The following ARHGAP40 variants were observed in gnomAD, a reference collection of about 807,000 sequenced individuals.
ARHGAP40 encodes Rho GTPase activating protein 40, also known as rho GTPase-activating protein 40.
ARHGAP40 carries 43 observed loss-of-function variants against 73.5 expected under a neutral mutation model. That is an observed-to-expected ratio of 0.58 (90% CI 0.46 to 0.75). The LOEUF (loss-of-function observed/expected upper bound fraction) is 0.75. Among genes scored for constraint, ARHGAP40 ranks in the 30% least tolerant of loss-of-function variants. The probability of loss-of-function intolerance (pLI) is 0.00; values close to 1 mark genes in which losing one functional copy is unlikely to be tolerated. For missense variants in ARHGAP40, 734 were observed against 861.8 expected, an observed-to-expected ratio of 0.85 and a Z score of 1.86; for synonymous variants, 300 against 352.8, an observed-to-expected ratio of 0.85 and a Z score of 1.68.
intron 13 of ARHGAP40, among the ~76,000 whole-genome samples, chr20:38,648,343 A>G (rs909719234): frequency 6.6e-6 from 1 of 152,230 alleles, no homozygotes; most frequent in Non-Finnish European, 1.5e-5. Context: ...GTCACCACTC[A>G]TTCCCTTGCC....
Position 38,638,744 on chromosome 20 carries a change from G to A in ARHGAP40, c.1042-17G>A, listed in dbSNP as rs1159852105. The A allele has an allele frequency of 2.3e-6, 3 of 1,304,644 alleles. No homozygotes were observed. In the African/African-American group the frequency reaches 4.6e-5, roughly 20 times the overall value. The allele number at this position is 1,304,644 out of a possible 1,614,324, so 80.8% of individuals were successfully genotyped here. On this transcript the variant is annotated splice_polypyrimidine_tract_variant and intron_variant, in intron 7 of 14. Transcript: ENST00000373345. ...TCAGCGGTTCCTGGTTTAAATGCTG[G>A]TTTCTCTTTCTGACAGCTGCTGTCC...
chr20:38,636,240 T>G (rs1264771881), intron 6 of ARHGAP40, among the ~76,000 whole-genome samples: 1 of 152,032 alleles, frequency 6.6e-6, no homozygotes, highest in African/African-American at 2.4e-5. Flanking sequence ...AAATATTCCT[T>G]GAAAACATGA....
At chr20:38,614,345 CCTTTCTTT>C (rs762911054) in intron 1 of ARHGAP40, among the ~76,000 whole-genome samples, 3 of 152,152 alleles carry the variant, frequency 2.0e-5, no homozygotes, top group Non-Finnish European at 2.9e-5. Flanking sequence ...CCTGAGATTG[CCTTTCTTT>C]CTTTCTTTCT....
chr20:38,649,948 G>A (rs73905664), exon 15 of ARHGAP40: 1 of 916,504 alleles, frequency 1.1e-6, no homozygotes. Flanking sequence ...CCAGGGGAGG[G>A]TCTGAGTTTT....
At chr20:38,616,004 T>G (rs2088835001) in intron 1 of ARHGAP40, among the ~76,000 whole-genome samples, 1 of 152,180 alleles carries the variant, frequency 6.6e-6, no homozygotes, top group Admixed American at 6.5e-5. Flanking sequence ...GCCATAGGTG[T>G]TCATTCTGGG....
chr20:38,634,169 T>C (rs2088958901), intron 5 of ARHGAP40, among the ~76,000 whole-genome samples: 2 of 152,038 alleles, frequency 1.3e-5, no homozygotes, highest in South Asian at 2.1e-4. Context: ...CTGGGCAACA[T>C]AGAGAAACCC....
At chr20:38,602,508 C>A (rs2088741394) in intron 1 of ARHGAP40, among the ~76,000 whole-genome samples, 1 of 152,110 alleles carries the variant, frequency 6.6e-6, no homozygotes, top group South Asian at 2.1e-4. Flanking sequence ...ACTGGTCACC[C>A]CTTATTCCTG....
At position 38,639,900 on chromosome 20, in the gene ARHGAP40, C is replaced by CA. The variant is rs2089003738; in HGVS notation, c.1279+521dup. 1.2e-4 allele frequency among the ~76,000 whole-genome samples: 19 copies of CA among 152,240 alleles called. No homozygotes were observed. In the South Asian group the frequency reaches 3.9e-3, roughly 32 times the overall value. ...CAAAGATAGTCACTTCTATTTTTCT[C>CA]AAAAAAATACAGCAGCTCTCCTGAG... On this transcript the variant is annotated intron_variant, in intron 9 of 14. Transcript: ENST00000373345.
intron 9 of ARHGAP40, among the ~76,000 whole-genome samples, chr20:38,641,442 G>A (rs1007344605): frequency 6.6e-6 from 1 of 152,206 alleles, no homozygotes; most frequent in African/African-American, 2.4e-5. Context: ...ACCCTGGGCT[G>A]CAGCCTGGAC....
chr20:38,647,234 C>G (rs1272426061), intron 13 of ARHGAP40, 108 bp downstream of exon 13: 1 of 1,037,098 alleles, frequency 9.6e-7, no homozygotes, highest in East Asian at 6.3e-5. Flanking sequence ...CTGACCTGGC[C>G]TTCCCTTTCT....
Position 38,626,991 on chromosome 20 carries a change from G to T in ARHGAP40, c.338-4G>T, listed in dbSNP as rs1290046767. 2 of 1,303,092 alleles carry T rather than the reference G, an allele frequency of 1.5e-6. No homozygotes were observed. The highest frequency in any genetic ancestry group is 2.0e-6 in the Non-Finnish European group (2 of 988,480). The allele number at this position is 1,303,092 out of a possible 1,614,324, so 80.7% of individuals were successfully genotyped here. A position where few individuals can be genotyped will look rare whatever the true frequency, so the allele number is the denominator to read the frequency against. On this transcript the variant is annotated splice_polypyrimidine_tract_variant and splice_region_variant and intron_variant, in intron 2 of 14. Transcript: ENST00000373345. ...GTTCATCTGGGTTCTACTTCTGTTG[G>T]CAGAAGGGGAAGCTGAATCCCAGTG...
chr20:38,626,803 G>GC (rs2088900859), intron 2 of ARHGAP40, among the ~76,000 whole-genome samples, 192 bp from the exon 3 acceptor site: 1 of 150,104 alleles, frequency 6.7e-6, no homozygotes, highest in Non-Finnish European at 1.5e-5. Flanking sequence ...CCCCCACCCC[G>GC]CCCCCAGTTC....
At chr20:38,647,158 T>C in intron 13 of ARHGAP40, 32 bp downstream of exon 13, 1 of 1,293,752 alleles carries the variant, frequency 7.7e-7, no homozygotes, top group Non-Finnish European at 1.0e-6. Context: ...CAGGAGCCTC[T>C]TCCCTGCAGG....
At chr20:38,624,951 A>G (rs1250520555) in intron 2 of ARHGAP40, among the ~76,000 whole-genome samples, 1 of 152,218 alleles carries the variant, frequency 6.6e-6, no homozygotes, top group Non-Finnish European at 1.5e-5. Context: ...TGCTGTGTCC[A>G]CAGTGCCTAG....
exon 3 of ARHGAP40, chr20:38,627,063 G>A: frequency 7.7e-7 from 1 of 1,305,366 alleles, no homozygotes; most frequent in Non-Finnish European, 1.0e-6. Context: ...CCTGGGCTTG[G>A]ATGGTGATCA....
intron 9 of ARHGAP40, among the ~76,000 whole-genome samples, chr20:38,640,167 C>CT (rs1568611178): frequency 5.3e-5 from 3 of 56,208 alleles, no homozygotes; most frequent in African/African-American, 9.4e-5. Context: ...TTTCTTCTTT[C>CT]TTCTTCTTTC....
intron 13 of ARHGAP40, 111 bp downstream of exon 13, chr20:38,647,237 C>A: frequency 2.0e-6 from 2 of 1,012,504 alleles, no homozygotes; most frequent in Non-Finnish European, 2.6e-6. Flanking sequence ...ACCTGGCCTT[C>A]CCTTTCTGGG....
chr20:38,623,859 G>A (rs2088886499), intron 2 of ARHGAP40, among the ~76,000 whole-genome samples: 1 of 152,126 alleles, frequency 6.6e-6, no homozygotes, highest in African/African-American at 2.4e-5. Flanking sequence ...TAGGCACTGG[G>A]GATACAACAG....
chr20:38,615,676 G>A (rs2088832592), intron 1 of ARHGAP40, among the ~76,000 whole-genome samples: 1 of 152,160 alleles, frequency 6.6e-6, no homozygotes, highest in South Asian at 2.1e-4. Flanking sequence ...GTGGAACATG[G>A]AGCGTGCACA....
Sources: allele counts gnomAD v4.1 joint callset (sites outside exome capture counted in the v4.1 genomes callset), GRCh38; gene constraint gnomAD v4.1.1; transcripts MANE v1.5; gene names NCBI Gene and HGNC (gene_info 2026-07-23, HGNC 2026-07-21).